The following ABHD16A variants were observed in gnomAD, a reference collection of about 807,000 sequenced individuals.
The protein encoded by ABHD16A is abhydrolase domain containing 16A, phospholipase.
A neutral mutation model predicts 89.8 loss-of-function variants in ABHD16A; 47 were observed. The observed-to-expected ratio is 0.52, with a 90% CI of 0.41 to 0.67. The LOEUF (loss-of-function observed/expected upper bound fraction) is 0.67. ABHD16A is among the 30% of genes least tolerant of loss of function. The probability of loss-of-function intolerance (pLI) is 0.00; values close to 1 mark genes in which losing one functional copy is unlikely to be tolerated. For missense variants in ABHD16A, 580 were observed against 734.6 expected, an observed-to-expected ratio of 0.79 and a Z score of 2.43; for synonymous variants, 251 against 280.4, an observed-to-expected ratio of 0.90 and a Z score of 1.05.
Position 31,693,280 on chromosome 6 carries a change from A to AGG in ABHD16A, c.503+78_503+79insCC. Reference sequence around the variant, plus strand: ...GGCAGGCACTGTGACCTGAGAGGGCATGGAGGTGGGAGGGCAGAGCAGAGA... The same window carrying AGG: ...GGCAGGCACTGTGACCTGAGAGGGCAGGTGGAGGTGGGAGGGCAGAGCAGAGA... On this transcript the variant is annotated intron_variant, in intron 6 of 19. Coordinates refer to ENST00000395952, the MANE Select transcript of ABHD16A (RefSeq NM_021160.3). This position sits in a 1 kb window ranked among gnomAD's most constrained non-coding sequence, Gnocchi z 5.0. 1 of 1,592,970 alleles carries AGG rather than the reference A, an allele frequency of 6.3e-7. No homozygotes were observed. The highest frequency in any genetic ancestry group is 1.1e-5 in the South Asian group (1 of 90,246).
In ABHD16A at chr6:31,691,889, C is replaced by T. The variant is rs751595143; in HGVS notation, c.656G>A (p.Arg219Gln). ...SYLVAHTLGR[R>Q]MLYPGSVYLL... ...GTACACAGAGCCTGGATACAGCATCCGGCGCCCTAGGGTGTGCGCCACCAG... is the reference window on the plus strand; with the variant it reads ...GTACACAGAGCCTGGATACAGCATCTGGCGCCCTAGGGTGTGCGCCACCAG... The change falls in exon 8 of 20, where the codon CGG becomes CAG. Residue 219 changes from arginine to glutamine, a missense_variant. Transcript: ENST00000395952. 1.2e-5 allele frequency: 20 copies of T among 1,610,656 alleles called. No individual in the cohort carries two copies. Among genetic ancestry groups the T allele is most frequent in the African/African-American group, 1.2e-4 (9 of 74,862 alleles).
intron 5 of ABHD16A, among the ~76,000 whole-genome samples, chr6:31,694,750 A>C (rs571639300): frequency 2.4e-4 from 36 of 152,054 alleles, no homozygotes; most frequent in African/African-American, 7.5e-4. Context: ...CTAGCACTCT[A>C]TTTTGAGGGT....
In ABHD16A at chr6:31,688,191, G is replaced by A; in HGVS notation, c.1307+58C>T. On this transcript the variant is annotated intron_variant, in intron 15 of 19. Transcript: ENST00000395952. This position sits in a 1 kb window ranked among gnomAD's most constrained non-coding sequence, Gnocchi z 4.9. ...AGGTTTCTGGTGGGCAGAGGTAGAAGGGACAAGTTCCTGGCCATCTCTGGG... is the reference window on the plus strand; with the variant it reads ...AGGTTTCTGGTGGGCAGAGGTAGAAAGGACAAGTTCCTGGCCATCTCTGGG... 1 of 1,607,790 alleles carries A rather than the reference G, an allele frequency of 6.2e-7. No homozygotes were observed. The highest frequency in any genetic ancestry group is 8.5e-7 in the Non-Finnish European group (1 of 1,174,852).
At chr6:31,702,035 CTGAAA>C in intron 2 of ABHD16A, 34 bp downstream of exon 2, 1 of 1,612,046 alleles carries the variant, frequency 6.2e-7, no homozygotes, top group Non-Finnish European at 8.5e-7. Flanking sequence ...ACAGGTGGGT[CTGAAA>C]GATGCAGAGT....
intron 4 of ABHD16A, among the ~76,000 whole-genome samples, chr6:31,700,429 G>C (rs974050267): frequency 1.3e-5 from 2 of 152,130 alleles, no homozygotes; most frequent in African/African-American, 4.8e-5. Context: ...CGGCCACACA[G>C]AACATATTTT....
chr6:31,687,476 C>CA lies in ABHD16A; in HGVS notation c.1593+21dup, dbSNP rs759069935. The CA allele has an allele frequency of 6.2e-7, 1 of 1,613,098 alleles. No individual in the cohort carries two copies. The highest frequency in any genetic ancestry group is 1.7e-5 in the Admixed American group (1 of 60,024). On this transcript the variant is annotated intron_variant, in intron 19 of 19. Transcript: ENST00000395952. This position sits in a 1 kb window ranked among gnomAD's most constrained non-coding sequence, Gnocchi z 6.3. ...GCCCTGGCCATTCAAGAACCCTTCC[C>CA]ACTTCCCACTCCTTAGCTCACCAGA...
intron 4 of ABHD16A, 41 bp downstream of exon 4, chr6:31,700,901 A>G (rs758015792): frequency 1.3e-6 from 2 of 1,527,182 alleles, no homozygotes; most frequent in South Asian, 1.1e-5. Context: ...AACCAGTGAC[A>G]GTGACAGATA....
chr6:31,700,864 T>C (rs1804907582), intron 4 of ABHD16A, 78 bp downstream of exon 4: 4 of 1,253,226 alleles, frequency 3.2e-6, no homozygotes, highest in Admixed American at 3.7e-5. Flanking sequence ...ATCACTAAAA[T>C]GTATTTGCAC....
At chr6:31,701,443 G>A (rs1804983631) in intron 2 of ABHD16A, 103 bp from the exon 3 acceptor site, 6 of 929,580 alleles carry the variant, frequency 6.5e-6, no homozygotes, top group South Asian at 1.4e-5. Context: ...CAACCTGAGG[G>A]ATATCATATC....
At chr6:31,697,828 C>A (rs1316643367) in intron 4 of ABHD16A, among the ~76,000 whole-genome samples, 1 of 152,178 alleles carries the variant, frequency 6.6e-6, no homozygotes, top group Non-Finnish European at 1.5e-5. Context: ...CAGACAGGCA[C>A]CGTACTACAC....
chr6:31,701,125 G>T, intron 3 of ABHD16A, 97 bp from the exon 4 acceptor site: 9 of 1,341,438 alleles, frequency 6.7e-6, no homozygotes, highest in Non-Finnish European at 8.5e-6. Flanking sequence ...CTCCCTGTTT[G>T]GAACAGCCAT....
At chr6:31,700,790 C>A (rs1583723184) in intron 4 of ABHD16A, 152 bp downstream of exon 4, 1 of 639,962 alleles carries the variant, frequency 1.6e-6, no homozygotes, top group South Asian at 2.1e-5. Flanking sequence ...ATATTTATAA[C>A]CCAAGTCTTT....
In ABHD16A at chr6:31,687,206, T is replaced by G. The variant is rs1285499176; in HGVS notation, c.*6A>C. On this transcript the variant is annotated 3_prime_UTR_variant, in exon 20 of 20. Transcript: ENST00000395952. This position sits in a 1 kb window ranked among gnomAD's most constrained non-coding sequence, Gnocchi z 6.3. ...CCATTCTTCCATAATGAGTCCCAGT[T>G]GGTCCCTAGAGGTGCCAGGGCATCT... 1.2e-6 allele frequency: 2 copies of G among 1,611,034 alleles called. No homozygotes were observed. The highest frequency in any genetic ancestry group is 2.7e-5 in the African/African-American group (2 of 74,856).
Position 31,687,891 on chromosome 6 carries a change from C to A in ABHD16A, c.1380G>T (p.Arg460=). 4 of 1,612,906 alleles carry A rather than the reference C, an allele frequency of 2.5e-6. No individual in the cohort carries two copies. Among genetic ancestry groups the A allele is most frequent in the Non-Finnish European group, 3.4e-6 (4 of 1,180,028 alleles). The change falls in exon 17 of 20, where the codon CGG becomes CGT. Residue 460 remains arginine, a synonymous_variant. Coordinates refer to ENST00000395952, the MANE Select transcript of ABHD16A (RefSeq NM_021160.3). The surrounding 1 kb of genome is among the most constrained non-coding windows in gnomAD (Gnocchi z 6.3). ...LLKLLQHRYP[R]VMAEEGLRVV... ...CTCGAAGACCCTCCTCTGCCATCAC[C>A]CGGGGATACCTACGGAGGAAGTGCC...
At chr6:31,702,941 G>T in intron 1 of ABHD16A, 1 of 1,296,044 alleles carries the variant, frequency 7.7e-7, no homozygotes, top group Non-Finnish European at 9.8e-7. Flanking sequence ...CAGTCGGAAT[G>T]AGAAAGCGGT....
At chr6:31,691,390 G>A (rs1803862734) in intron 9 of ABHD16A, 189 bp downstream of exon 9, 5 of 572,178 alleles carry the variant, frequency 8.7e-6, no homozygotes, top group Non-Finnish European at 1.2e-5. Flanking sequence ...GTCCTTGAAC[G>A]TCTCTCCTAC....
At position 31,693,118 on chromosome 6, in the gene ABHD16A, C is replaced by G. The variant is rs751249610; in HGVS notation, c.535G>C (p.Gly179Arg). The change falls in exon 7 of 20, where the codon GGT (glycine) becomes CGT (arginine). Residue 179 changes from glycine to arginine, a missense_variant. Physicochemically the swap from Gly to Arg is moderately radical, Grantham distance 125 (BLOSUM62 -2). This residue lies in a region of ABHD16A where 415 missense variants were observed against 568.8 expected (regional missense o/e 0.73). Coordinates refer to ENST00000395952, the MANE Select transcript of ABHD16A (RefSeq NM_021160.3). This position sits in a 1 kb window ranked among gnomAD's most constrained non-coding sequence, Gnocchi z 5.0. ...KESRGGPSRRGVALLRPEPLH... is the reference protein window; with the variant it reads ...KESRGGPSRRRVALLRPEPLH... ...GGCTCTGGGCGAAGCAGGGCCACAC[C>G]CCGGCGGGAAGGGCCCCCTCGAGAC... is the stretch of plus-strand genomic sequence containing the variant. The G allele has an allele frequency of 6.2e-7, 1 of 1,613,846 alleles. No homozygotes were observed. Among genetic ancestry groups the G allele is most frequent in the Non-Finnish European group, 8.5e-7 (1 of 1,179,924 alleles).
At chr6:31,696,280 G>C (rs1396597575) in intron 5 of ABHD16A, among the ~76,000 whole-genome samples, 6 of 151,530 alleles carry the variant, frequency 4.0e-5, no homozygotes, top group Non-Finnish European at 5.9e-5. Flanking sequence ...GTAGTAAACT[G>C]AGATTGTACC....
In ABHD16A at chr6:31,691,825, G is replaced by A; in HGVS notation, c.720C>T (p.Gly240=). The A allele has an allele frequency of 1.2e-6, 2 of 1,610,570 alleles. No individual in the cohort carries two copies. Among genetic ancestry groups the A allele is most frequent in the Non-Finnish European group, 1.7e-6 (2 of 1,179,020 alleles). Residue 240 remains glycine, a synonymous_variant, in exon 8 of 20, where the codon GGC becomes GGT. Coordinates refer to ENST00000395952, the MANE Select transcript of ABHD16A (RefSeq NM_021160.3). ...TCACCTCTTCCACCAGTCGGGCCTG[G>A]CCCTGCAGCAGCACAGGCATGAGGG... is the stretch of plus-strand genomic sequence containing the variant. ...QKALMPVLLQ[G]QARLVEECNG... is the part of the protein sequence containing the mutation.
Sources: allele counts gnomAD v4.1 joint callset (sites outside exome capture counted in the v4.1 genomes callset), GRCh38; gene constraint gnomAD v4.1.1; regional missense constraint gnomAD v4.1.1; non-coding constraint Gnocchi (gnomAD v3.1); transcripts MANE v1.5; gene names NCBI Gene and HGNC (gene_info 2026-07-23, HGNC 2026-07-21).